Variants in GRID1 observed in about 807,000 individuals in gnomAD.
The protein encoded by GRID1 is glutamate ionotropic receptor delta type subunit 1, also known as glutamate receptor ionotropic, delta-1.
GRID1 carries 28 observed loss-of-function variants against 98.0 expected under a neutral mutation model. That is an observed-to-expected ratio of 0.29 (90% CI 0.21 to 0.39). The LOEUF (loss-of-function observed/expected upper bound fraction) is 0.39. Among genes scored for constraint, GRID1 ranks in the 10% least tolerant of loss-of-function variants. GRID1 has a pLI of 1.00. For synonymous variants in GRID1, 553 were observed against 538.5 expected (o/e 1.03, Z -0.37); for missense variants, 1,111 against 1,340.5 (o/e 0.83, Z 2.67).
intron 4 of GRID1, among the ~76,000 whole-genome samples, chr10:86,038,160 C>T (rs1282696255): frequency 6.6e-6 from 1 of 152,204 alleles, no homozygotes; most frequent in African/African-American, 2.4e-5. Context: ...GCCTCCAGAA[C>T]TGTGAGACAA....
intron 4 of GRID1, among the ~76,000 whole-genome samples, chr10:85,941,142 T>C (rs1841993237): frequency 1.3e-5 from 2 of 152,348 alleles, no homozygotes; most frequent in South Asian, 2.1e-4. Flanking sequence ...CAGGAAGATA[T>C]AGGTTCAAAT....
intron 4 of GRID1, among the ~76,000 whole-genome samples, chr10:86,087,388 G>A (rs983147207): frequency 2.7e-5 from 4 of 150,344 alleles, no homozygotes; most frequent in African/African-American, 7.4e-5. Flanking sequence ...CTGCATAATG[G>A]AGTCTGTGTG....
intron 6 of GRID1, among the ~76,000 whole-genome samples, chr10:85,860,745 G>A (rs1175897671): frequency 1.3e-5 from 2 of 152,214 alleles, no homozygotes; most frequent in Non-Finnish European, 2.9e-5. Context: ...GTAGTGCGTG[G>A]ATACAGCAAG....
chr10:86,159,200 C>T (rs1845286642), intron 3 of GRID1, among the ~76,000 whole-genome samples: 1 of 152,084 alleles, frequency 6.6e-6, no homozygotes, highest in African/African-American at 2.4e-5. Flanking sequence ...CAATAATGGG[C>T]TAAAAGAAAT....
At chr10:86,068,322 T>C (rs1843748938) in intron 4 of GRID1, among the ~76,000 whole-genome samples, 1 of 152,012 alleles carries the variant, frequency 6.6e-6, no homozygotes, top group Non-Finnish European at 1.5e-5. Flanking sequence ...GAAGAGAGAA[T>C]GGAGCTCTAA....
At chr10:85,653,208 G>A (rs1028349269) in intron 12 of GRID1, among the ~76,000 whole-genome samples, 3 of 152,208 alleles carry the variant, frequency 2.0e-5, no homozygotes, top group Non-Finnish European at 2.9e-5. Flanking sequence ...GTGGGGCATC[G>A]TCAGCTGACC....
intron 8 of GRID1, among the ~76,000 whole-genome samples, chr10:85,781,217 T>TA (rs1842378070): frequency 6.6e-6 from 1 of 152,186 alleles, no homozygotes; most frequent in Non-Finnish European, 1.5e-5. Context: ...GAACCCAATT[T>TA]TAAAAAATCA....
chr10:86,204,183 G>T (rs1007151876), intron 3 of GRID1, among the ~76,000 whole-genome samples: 8 of 152,176 alleles, frequency 5.3e-5, no homozygotes, highest in African/African-American at 1.9e-4. Flanking sequence ...CTACCTCATA[G>T]TCAGAGGTCA....
At chr10:85,710,873 A>T (rs1841574533) in intron 12 of GRID1, among the ~76,000 whole-genome samples, 1 of 152,068 alleles carries the variant, frequency 6.6e-6, no homozygotes, top group South Asian at 2.1e-4. Flanking sequence ...ACAAAATTTT[A>T]AATTGTGGAA....
At chr10:85,831,399 T>C (rs995053458) in intron 8 of GRID1, among the ~76,000 whole-genome samples, 2 of 151,960 alleles carry the variant, frequency 1.3e-5, no homozygotes, top group African/African-American at 4.8e-5. Flanking sequence ...AACTTACCTA[T>C]ATAACAAACC....
chr10:86,226,402 C>T (rs1379022282), intron 2 of GRID1, among the ~76,000 whole-genome samples: 4 of 76,648 alleles, frequency 5.2e-5, no homozygotes, highest in African/African-American at 2.2e-4. Flanking sequence ...AGCACACCCT[C>T]CCACCCCAGC....
At chr10:86,203,761 C>T (rs1385553666) in intron 3 of GRID1, among the ~76,000 whole-genome samples, 1 of 151,950 alleles carries the variant, frequency 6.6e-6, no homozygotes, top group South Asian at 2.1e-4. Context: ...CTCTGGGGTT[C>T]TCCGCTCACC....
intron 8 of GRID1, among the ~76,000 whole-genome samples, chr10:85,781,848 G>A (rs1186101373): frequency 6.6e-6 from 1 of 150,872 alleles, no homozygotes; most frequent in Non-Finnish European, 1.5e-5. Flanking sequence ...CACACAGTCA[G>A]TAACTTGCTG....
intron 4 of GRID1, among the ~76,000 whole-genome samples, chr10:86,090,264 C>CAA (rs761084127): frequency 1.2e-4 from 15 of 124,382 alleles, no homozygotes; most frequent in African/African-American, 4.4e-4. Flanking sequence ...CTAAAAATGC[C>CAA]AAAAAAAAAA....
chr10:86,073,778 T>C (rs1464647800), intron 4 of GRID1, among the ~76,000 whole-genome samples: 1 of 152,224 alleles, frequency 6.6e-6, no homozygotes, highest in Non-Finnish European at 1.5e-5. Context: ...ATTAAGGACC[T>C]GGACACAACA....
chr10:85,881,063 C>A (rs568646532), intron 5 of GRID1, among the ~76,000 whole-genome samples: 16 of 152,276 alleles, frequency 1.1e-4, no homozygotes, highest in African/African-American at 3.9e-4. Flanking sequence ...ATCCAACTTA[C>A]AAGGGACGTG....
intron 4 of GRID1, among the ~76,000 whole-genome samples, chr10:85,963,447 G>A (rs1842296426): frequency 6.6e-6 from 1 of 152,124 alleles, no homozygotes; most frequent in South Asian, 2.1e-4. Context: ...TGGACAGGGT[G>A]ACTTTTGCTC....
At chr10:85,639,655 C>G (rs1843091191) in intron 13 of GRID1, among the ~76,000 whole-genome samples, 1 of 152,182 alleles carries the variant, frequency 6.6e-6, no homozygotes, top group East Asian at 1.9e-4. Flanking sequence ...AGGCAGATCA[C>G]CTGAGGTCGG....
At chr10:85,736,561 T>G (rs1841885764) in intron 8 of GRID1, among the ~76,000 whole-genome samples, 1 of 152,168 alleles carries the variant, frequency 6.6e-6, no homozygotes, top group African/African-American at 2.4e-5. Flanking sequence ...ATGATCTGAG[T>G]GCAGATGGCC....
Sources: allele counts gnomAD v4.1 joint callset (sites outside exome capture counted in the v4.1 genomes callset), GRCh38; gene constraint gnomAD v4.1.1; transcripts MANE v1.5; gene names NCBI Gene and HGNC (gene_info 2026-07-23, HGNC 2026-07-21).